The following CADM2 variants were observed in gnomAD, a reference collection of about 807,000 sequenced individuals.
The protein encoded by CADM2 is cell adhesion molecule 2, also known as immunoglobulin superfamily member 4D.
Under a neutral mutation model 49.8 loss-of-function variants are expected in CADM2, and 12 were observed. The ratio of observed to expected loss-of-function variants is 0.24; its 90% CI spans 0.15 to 0.39. The LOEUF (loss-of-function observed/expected upper bound fraction) is 0.39, where lower values mean the gene tolerates loss of function less well. Ranked by LOEUF, CADM2 falls within the 10% of genes least tolerant of loss-of-function variation. The pLI is 1.00. For synonymous variants in CADM2, 214 were observed against 175.4 expected (o/e 1.22, Z -1.74); for missense variants, 378 against 492.3 (o/e 0.77, Z 2.20).
At chr3:85,982,623 T>C (rs1727619108) in intron 8 of CADM2, among the ~76,000 whole-genome samples, 1 of 151,690 alleles carries the variant, frequency 6.6e-6, no homozygotes, top group Non-Finnish European at 1.5e-5. Flanking sequence ...TAACTGAAAG[T>C]GTGGAGGATT....
At chr3:84,996,764 A>G (rs2033200365) in intron 1 of CADM2, among the ~76,000 whole-genome samples, 1 of 152,132 alleles carries the variant, frequency 6.6e-6, no homozygotes, top group Non-Finnish European at 1.5e-5. Flanking sequence ...GATAATTTAC[A>G]AAATCAGGAT....
intron 2 of CADM2, among the ~76,000 whole-genome samples, chr3:85,750,197 T>A (rs994842062): frequency 1.3e-5 from 2 of 152,070 alleles, no homozygotes; most frequent in Non-Finnish European, 2.9e-5. Flanking sequence ...TTTCAGAAGA[T>A]GTGTAGTAAT....
At chr3:85,672,254 A>G (rs1201659064) in intron 1 of CADM2, among the ~76,000 whole-genome samples, 2 of 142,774 alleles carry the variant, frequency 1.4e-5, no homozygotes, top group Middle Eastern at 3.7e-3. Flanking sequence ...GTGCAGTGGC[A>G]TGATCTCTGC....
At chr3:85,679,857 C>T (rs1559588669) in intron 1 of CADM2, among the ~76,000 whole-genome samples, 2 of 152,132 alleles carry the variant, frequency 1.3e-5, no homozygotes, top group East Asian at 3.9e-4. Context: ...TTCTAAATAG[C>T]ATTTTCCTCT....
At chr3:85,695,717 C>T (rs2066531394) in intron 1 of CADM2, among the ~76,000 whole-genome samples, 1 of 152,072 alleles carries the variant, frequency 6.6e-6, no homozygotes, top group Admixed American at 6.5e-5. Flanking sequence ...CTGCGATAAG[C>T]ATACACTTGC....
At chr3:84,993,101 A>G (rs1299212034) in intron 1 of CADM2, among the ~76,000 whole-genome samples, 8 of 152,180 alleles carry the variant, frequency 5.3e-5, no homozygotes. Flanking sequence ...GTACTAGAAC[A>G]TAGAACTAAG....
chr3:85,998,879 T>C (rs1313105072), intron 8 of CADM2, among the ~76,000 whole-genome samples: 1 of 152,058 alleles, frequency 6.6e-6, no homozygotes, highest in South Asian at 2.1e-4. Context: ...GAAAGTAAAA[T>C]TGACAGATTT....
chr3:85,083,252 G>T (rs2037240177), intron 1 of CADM2, among the ~76,000 whole-genome samples: 1 of 152,040 alleles, frequency 6.6e-6, no homozygotes, highest in African/African-American at 2.4e-5. Flanking sequence ...GGTCAGAAAG[G>T]GGTAAAATTA....
chr3:86,005,122 G>A (rs1730624786), intron 8 of CADM2, among the ~76,000 whole-genome samples: 1 of 152,126 alleles, frequency 6.6e-6, no homozygotes, highest in African/African-American at 2.4e-5. Context: ...TAAGACTCTG[G>A]AGGCAGTTAT....
At chr3:85,618,769 C>A (rs2063877277) in intron 1 of CADM2, among the ~76,000 whole-genome samples, 1 of 151,932 alleles carries the variant, frequency 6.6e-6, no homozygotes, top group South Asian at 2.1e-4. Context: ...AATTTAAATT[C>A]TACTGATCAA....
At chr3:85,097,146 C>T (rs939972366) in intron 1 of CADM2, among the ~76,000 whole-genome samples, 2 of 152,092 alleles carry the variant, frequency 1.3e-5, no homozygotes, top group Non-Finnish European at 2.9e-5. Context: ...CTATCCCTTC[C>T]CCCTCCCCAC....
chr3:85,860,059 A>G (rs2075465267), intron 3 of CADM2, among the ~76,000 whole-genome samples: 1 of 152,014 alleles, frequency 6.6e-6, no homozygotes, highest in South Asian at 2.1e-4. Flanking sequence ...TCTTTAGCTC[A>G]TTTCAGTTGT....
intron 1 of CADM2, among the ~76,000 whole-genome samples, chr3:85,721,448 G>A (rs763984844): frequency 1.3e-5 from 2 of 152,100 alleles, no homozygotes; most frequent in East Asian, 1.9e-4. Context: ...GGATGCACTC[G>A]GCTCACACTA....
chr3:85,856,363 A>G lies in CADM2; in HGVS notation c.239-26928A>G, dbSNP rs943410536. Reference sequence around the variant, plus strand: ...GAAAATAGCACATATTTTGTTAAGTACTCTGTACTTTTTCATAACGGATCT... The same window carrying G: ...GAAAATAGCACATATTTTGTTAAGTGCTCTGTACTTTTTCATAACGGATCT... On this transcript the variant is annotated intron_variant, in intron 3 of 9. Coordinates refer to ENST00000383699, the MANE Select transcript of CADM2 (RefSeq NM_001167675.2). 4.6e-5 allele frequency among the ~76,000 whole-genome samples: 7 copies of G among 152,074 alleles called. No individual in the cohort carries two copies. The South Asian group carries it at 1.0e-3, about 23-fold the overall frequency.
rs72903359 is a variant in CADM2, at chr3:85,061,624, G to T, written c.61+101956G>T. On this transcript the variant is annotated intron_variant, in intron 1 of 9. Coordinates refer to ENST00000383699, the MANE Select transcript of CADM2 (RefSeq NM_001167675.2). ...CAATTACAGTTGACAGTCATGGAAA[G>T]TCTAGTTGAATGTCACCAAAGAGGG... is the stretch of plus-strand genomic sequence containing the variant. 6.6e-3 allele frequency among the ~76,000 whole-genome samples: 1,002 copies of T among 152,140 alleles called. 15 individuals are homozygous for T. Among genetic ancestry groups the T allele is most frequent in the African/African-American group, 0.023 (938 of 41,520 alleles).
chr3:85,606,295 T>C (rs1420333010), intron 1 of CADM2, among the ~76,000 whole-genome samples: 1 of 152,102 alleles, frequency 6.6e-6, no homozygotes, highest in African/African-American at 2.4e-5. Flanking sequence ...TCTAATGCAC[T>C]ACTTACTACC....
chr3:85,462,024 C>G (rs1048843557), intron 1 of CADM2, among the ~76,000 whole-genome samples: 1 of 152,106 alleles, frequency 6.6e-6, no homozygotes, highest in Non-Finnish European at 1.5e-5. Flanking sequence ...GAAACATTAA[C>G]AGGAGAGGAG....
intron 1 of CADM2, among the ~76,000 whole-genome samples, chr3:85,110,256 CAG>C (rs141259874): frequency 7.1e-4 from 105 of 148,374 alleles, no homozygotes; most frequent in Non-Finnish European, 7.2e-4. Flanking sequence ...TCCAGAGAGA[CAG>C]AGAGAGAGAG....
intron 1 of CADM2, among the ~76,000 whole-genome samples, chr3:85,152,311 G>T (rs1575989938): frequency 6.6e-6 from 1 of 152,012 alleles, no homozygotes; most frequent in Non-Finnish European, 1.5e-5. Context: ...GAGTGTACTG[G>T]GCCAGTAGGT....
Sources: allele counts gnomAD v4.1 joint callset (sites outside exome capture counted in the v4.1 genomes callset), GRCh38; gene constraint gnomAD v4.1.1; transcripts MANE v1.5; gene names NCBI Gene and HGNC (gene_info 2026-07-23, HGNC 2026-07-21).